The following ATAD2B variants were observed in gnomAD, a reference collection of about 807,000 sequenced individuals.
ATAD2B encodes ATPase family AAA domain containing 2B, also known as ATPase family AAA domain-containing protein 2B.
Under a neutral mutation model 167.6 loss-of-function variants are expected in ATAD2B, and 40 were observed. The ratio of observed to expected loss-of-function variants is 0.24; its 90% CI spans 0.19 to 0.31. The LOEUF (loss-of-function observed/expected upper bound fraction) is 0.31. Ranked by LOEUF, ATAD2B falls within the 10% of genes least tolerant of loss-of-function variation. The pLI is 1.00. For synonymous variants in ATAD2B, 579 were observed against 596.5 expected (o/e 0.97, Z 0.43); for missense variants, 1,242 against 1,757.2 (o/e 0.71, Z 5.24).
intron 24 of ATAD2B, among the ~76,000 whole-genome samples, chr2:23,759,737 A>T (rs974373436): frequency 6.6e-6 from 1 of 152,196 alleles, no homozygotes; most frequent in Non-Finnish European, 1.5e-5. Context: ...ATTTAAAGTT[A>T]CAGGGTAATT....
chr2:23,874,108 A>G (rs1207479785), intron 8 of ATAD2B, among the ~76,000 whole-genome samples: 1 of 151,842 alleles, frequency 6.6e-6, no homozygotes, highest in Non-Finnish European at 1.5e-5. Context: ...AATTGCTTCA[A>G]CCAAGGAGGC....
intron 20 of ATAD2B, among the ~76,000 whole-genome samples, chr2:23,787,495 T>G (rs189499199): frequency 5.4e-4 from 82 of 152,138 alleles, no homozygotes; most frequent in Non-Finnish European, 6.0e-4. Flanking sequence ...ATATTCAATT[T>G]CCCAAGGTTT....
intron 15 of ATAD2B, among the ~76,000 whole-genome samples, chr2:23,825,049 T>G (rs1688032320): frequency 6.6e-6 from 1 of 151,628 alleles, no homozygotes; most frequent in South Asian, 2.1e-4. Flanking sequence ...GCTCAAGAAA[T>G]CCTTCTGCCT....
chr2:23,877,523 A>AGGGGAGGGGAGGGGAGGGG (rs1697065452), intron 7 of ATAD2B, among the ~76,000 whole-genome samples: 1 of 45,236 alleles, frequency 2.2e-5, no homozygotes, highest in Non-Finnish European at 4.0e-5. Flanking sequence ...AAGGGGAGGG[A>AGGGGAGGGGAGGGGAGGGG]AGGGGAGGGG....
At chr2:23,907,669 C>G (rs959281387) in intron 1 of ATAD2B, among the ~76,000 whole-genome samples, 9 of 152,074 alleles carry the variant, frequency 5.9e-5, no homozygotes, top group African/African-American at 2.2e-4. Flanking sequence ...AAAAAAGAGC[C>G]CCCATTGCCA....
chr2:23,862,574 C>A (rs1694566017), intron 12 of ATAD2B, among the ~76,000 whole-genome samples: 1 of 152,066 alleles, frequency 6.6e-6, no homozygotes, highest in Non-Finnish European at 1.5e-5. Context: ...CTGTGCCCAG[C>A]TGGAATAATT....
chr2:23,838,846 T>C (rs932521807), intron 13 of ATAD2B, among the ~76,000 whole-genome samples: 10 of 152,172 alleles, frequency 6.6e-5, no homozygotes, highest in South Asian at 2.1e-4. Context: ...CTTCTGCCAA[T>C]ATCAAATTTT....
chr2:23,851,571 T>C (rs1017039903), intron 13 of ATAD2B, among the ~76,000 whole-genome samples: 1 of 151,790 alleles, frequency 6.6e-6, no homozygotes, highest in Admixed American at 6.6e-5. Context: ...CCCAACAGAG[T>C]GGTGCACTTA....
intron 6 of ATAD2B, among the ~76,000 whole-genome samples, chr2:23,882,821 CAACA>C (rs1558725664): frequency 4.2e-5 from 6 of 141,326 alleles, no homozygotes; most frequent in Non-Finnish European, 6.3e-5. Context: ...ACAACAACAA[CAACA>C]AAAAAAAAAA....
At chr2:23,711,435 C>A in the ATAD2B span, among the ~76,000 whole-genome samples, 2 of 131,906 alleles carry the variant, frequency 1.5e-5, no homozygotes, top group Non-Finnish European at 3.1e-5. Flanking sequence ...AATGACACGA[C>A]CTGGGGTCAC....
rs188783646 is a variant in ATAD2B, at chr2:23,837,877, G to A, written c.1569-3799C>T. Among the ~76,000 whole-genome samples the A allele has an allele frequency of 2.0e-3, 307 of 152,280 alleles. 3 individuals carry two copies. Among genetic ancestry groups the A allele is most frequent in the Admixed American group, 6.7e-3 (102 of 15,302 alleles). ...AAAATTATTTTCTGCATATTTTAGA[G>A]TAGTTTTTAAAAAGTATGACTTAAA... On this transcript the variant is annotated intron_variant, in intron 13 of 27. Coordinates refer to ENST00000238789, the MANE Select transcript of ATAD2B (RefSeq NM_017552.4).
At chr2:23,776,737 G>A (rs536202352) in intron 22 of ATAD2B, among the ~76,000 whole-genome samples, 23 of 152,156 alleles carry the variant, frequency 1.5e-4, no homozygotes, top group African/African-American at 5.3e-4. Context: ...ATAATCATCT[G>A]CTGGCACCTT....
intron 21 of ATAD2B, among the ~76,000 whole-genome samples, chr2:23,783,464 T>C (rs1444362559): frequency 6.6e-6 from 1 of 152,068 alleles, no homozygotes; most frequent in Non-Finnish European, 1.5e-5. Flanking sequence ...TCAACAAAAA[T>C]TTTCTTTTTC....
the ATAD2B span, among the ~76,000 whole-genome samples, chr2:23,686,339 G>A: frequency 5.9e-3 from 901 of 152,196 alleles, 6 homozygotes; most frequent in Non-Finnish European, 7.5e-3. Flanking sequence ...CTGGAGGAGA[G>A]AGGACATCCC....
intron 19 of ATAD2B, among the ~76,000 whole-genome samples, chr2:23,797,714 C>T (rs1682839664): frequency 1.3e-5 from 2 of 152,108 alleles, no homozygotes; most frequent in African/African-American, 2.4e-5. Flanking sequence ...AAACCTTATA[C>T]ACATAACCTG....
chr2:23,705,566 A>G, the ATAD2B span, among the ~76,000 whole-genome samples: 3 of 152,136 alleles, frequency 2.0e-5, no homozygotes, highest in African/African-American at 7.2e-5. Context: ...TAATCAGGTA[A>G]TAGGTGCACC....
At chr2:23,696,687 G>A in the ATAD2B span, 21,381 of 574,390 alleles carry the variant, frequency 0.037, 513 homozygotes, top group South Asian at 0.08. This position sits in a 1 kb window ranked among gnomAD's most constrained non-coding sequence, Gnocchi z 5.5. Context: ...AGCAGGGTGT[G>A]GGATACAAGC....
chr2:23,696,294 C>A, the ATAD2B span: 1 of 1,544,824 alleles, frequency 6.5e-7, no homozygotes, highest in Non-Finnish European at 8.8e-7. The surrounding 1 kb of genome is among the most constrained non-coding windows in gnomAD (Gnocchi z 5.5). Context: ...GGCCCCTCCT[C>A]ACCCCGCCCG....
intron 25 of ATAD2B, 105 bp downstream of exon 25, chr2:23,757,313 G>C: frequency 1.2e-6 from 1 of 823,490 alleles, no homozygotes; most frequent in Admixed American, 3.2e-5. Context: ...TTCTCAGAGG[G>C]GTATAATTAT....
Sources: gnomAD v4.1 joint callset for allele counts (sites outside exome capture counted in the v4.1 genomes callset) on GRCh38, gnomAD v4.1.1 for gene constraint, Gnocchi (gnomAD v3.1) non-coding constraint, MANE v1.5 for transcripts, NCBI Gene and HGNC (gene_info 2026-07-23, HGNC 2026-07-21) for gene names.